SPIN1: variants seen among roughly 807,000 people sequenced by gnomAD.
The protein encoded by SPIN1 is spindlin-1.
Under a neutral mutation model 26.0 loss-of-function variants are expected in SPIN1, and 3 were observed. The observed-to-expected ratio is 0.12, with a 90% CI of 0.05 to 0.30. SPIN1 has a LOEUF of 0.30. SPIN1 is among the 10% of genes least tolerant of loss of function. SPIN1 has a pLI of 1.00. For synonymous variants in SPIN1, 101 were observed against 116.5 expected, an observed-to-expected ratio of 0.87 and a Z score of 0.86; for missense variants, 126 against 333.4, an observed-to-expected ratio of 0.38 and a Z score of 4.84.
At chr9:88,472,952 G>C (rs1365115464) in intron 5 of SPIN1, among the ~76,000 whole-genome samples, 3 of 152,222 alleles carry the variant, frequency 2.0e-5, no homozygotes, top group Non-Finnish European at 4.4e-5. Context: ...GCCTTGGACA[G>C]ATGTAACTGG....
chr9:88,406,000 TGTGTCTGTGTGTG>T (rs1827299162), intron 1 of SPIN1, among the ~76,000 whole-genome samples: 1 of 84,278 alleles, frequency 1.2e-5, no homozygotes, highest in African/African-American at 9.6e-5. Flanking sequence ...GCCTGGCTTG[TGTGTCTGTGTGTG>T]TGTGTGTGTG....
chr9:88,404,429 A>G (rs1362989588), intron 1 of SPIN1, among the ~76,000 whole-genome samples: 1 of 152,188 alleles, frequency 6.6e-6, no homozygotes, highest in African/African-American at 2.4e-5. Flanking sequence ...TTGCATCTGT[A>G]TTAGAAACCG....
chr9:88,449,643 C>T (rs911131628), intron 3 of SPIN1, among the ~76,000 whole-genome samples: 5 of 151,948 alleles, frequency 3.3e-5, no homozygotes, highest in African/African-American at 1.2e-4. Flanking sequence ...CTATTGTTTT[C>T]AATTATAATA....
chr9:88,395,134 AACATTT>A (rs1827026555), intron 1 of SPIN1, among the ~76,000 whole-genome samples: 1 of 151,912 alleles, frequency 6.6e-6, no homozygotes, highest in Non-Finnish European at 1.5e-5. Flanking sequence ...TAACATGTAG[AACATTT>A]ATGTGAACAT....
intron 1 of SPIN1, among the ~76,000 whole-genome samples, chr9:88,388,911 G>A (rs1826852104): frequency 6.6e-6 from 1 of 151,170 alleles, no homozygotes; most frequent in African/African-American, 2.4e-5. Flanking sequence ...GGCAGGGGGC[G>A]GCGGCGCTGC....
chr9:88,420,533 C>A (rs1827649197), intron 1 of SPIN1, among the ~76,000 whole-genome samples: 1 of 152,194 alleles, frequency 6.6e-6, no homozygotes, highest in Non-Finnish European at 1.5e-5. Context: ...ACAAATTTAA[C>A]AGGATTGCCA....
At chr9:88,434,429 T>C (rs922622763) in intron 2 of SPIN1, among the ~76,000 whole-genome samples, 64 of 121,388 alleles carry the variant, frequency 5.3e-4, no homozygotes, top group Non-Finnish European at 6.5e-4. Flanking sequence ...TTAGTTTATT[T>C]TATAAATTAC....
At chr9:88,392,340 AAC>A in intron 1 of SPIN1, among the ~76,000 whole-genome samples, 1 of 152,172 alleles carries the variant, frequency 6.6e-6, no homozygotes, top group Admixed American at 6.6e-5. Context: ...TAAATATATA[AAC>A]ACAGATGTAT....
chr9:88,405,536 C>CTTTTT (rs757565862), intron 1 of SPIN1, among the ~76,000 whole-genome samples: 14,672 of 110,388 alleles, frequency 0.13, 1,468 homozygotes, highest in African/African-American at 0.28. Flanking sequence ...CTGTACTATC[C>CTTTTT]TTTTTTTTTT....
intron 1 of SPIN1, chr9:88,410,554 C>T: frequency 1.2e-6 from 1 of 812,268 alleles, no homozygotes; most frequent in South Asian, 1.3e-5. Flanking sequence ...ACTGCCATAG[C>T]TACTGCTGCT....
At chr9:88,462,813 T>A (rs1429628291) in intron 4 of SPIN1, 64 bp downstream of exon 4, 2 of 1,480,376 alleles carry the variant, frequency 1.4e-6, no homozygotes, top group Non-Finnish European at 1.8e-6. Flanking sequence ...GGATGCTTTT[T>A]TTATTTTACA....
intron 2 of SPIN1, among the ~76,000 whole-genome samples, chr9:88,441,966 T>A (rs1015037360): frequency 1.6e-4 from 24 of 148,206 alleles, no homozygotes; most frequent in African/African-American, 6.0e-4. Flanking sequence ...TTTTTTTTTT[T>A]TTTGAGATGG....
At chr9:88,401,280 A>G (rs1827179979) in intron 1 of SPIN1, among the ~76,000 whole-genome samples, 1 of 152,200 alleles carries the variant, frequency 6.6e-6, no homozygotes, top group Admixed American at 6.5e-5. Flanking sequence ...ACTGTCCAAT[A>G]ATGGAGTTAA....
chr9:88,429,397 C>G (rs1323404886), intron 2 of SPIN1, among the ~76,000 whole-genome samples: 1 of 152,192 alleles, frequency 6.6e-6, no homozygotes, highest in African/African-American at 2.4e-5. Context: ...AGATGCATAT[C>G]TGGGCCTCTG....
At chr9:88,469,564 G>A (rs1828736275) in intron 5 of SPIN1, among the ~76,000 whole-genome samples, 1 of 151,756 alleles carries the variant, frequency 6.6e-6, no homozygotes, top group South Asian at 2.1e-4. Context: ...GGCTGGGCTG[G>A]AGTGTAATGG....
At chr9:88,474,021 A>T (rs1011937667) in intron 5 of SPIN1, among the ~76,000 whole-genome samples, 6 of 152,208 alleles carry the variant, frequency 3.9e-5, no homozygotes, top group African/African-American at 1.4e-4. Flanking sequence ...TTGGATTGTC[A>T]TTCAGTGAGA....
At chr9:88,456,684 T>C (rs1369635698) in intron 3 of SPIN1, among the ~76,000 whole-genome samples, 3 of 152,152 alleles carry the variant, frequency 2.0e-5, no homozygotes, top group Non-Finnish European at 4.4e-5. Flanking sequence ...ACATACATTG[T>C]ATCTACAAAT....
intron 2 of SPIN1, among the ~76,000 whole-genome samples, chr9:88,447,798 G>C (rs1828281248): frequency 6.6e-6 from 1 of 152,142 alleles, no homozygotes; most frequent in African/African-American, 2.4e-5. Flanking sequence ...TAAAAGGGTG[G>C]TGTTCTTGGT....
intron 3 of SPIN1, chr9:88,458,017 G>T: frequency 1.0e-6 from 1 of 980,798 alleles, no homozygotes; most frequent in Non-Finnish European, 1.2e-6. Flanking sequence ...TGGTTTTAGT[G>T]TTGCTTTGGC....
Sources: gnomAD v4.1 joint callset for allele counts (sites outside exome capture counted in the v4.1 genomes callset) on GRCh38, gnomAD v4.1.1 for gene constraint, MANE v1.5 for transcripts, NCBI Gene and HGNC (gene_info 2026-07-23, HGNC 2026-07-21) for gene names.